The following PXN variants were observed in gnomAD, a reference collection of about 807,000 sequenced individuals.
PXN encodes the protein paxillin.
PXN carries 61 observed loss-of-function variants against 103.6 expected under a neutral mutation model. That is an observed-to-expected ratio of 0.59 (90% confidence interval 0.48 to 0.73). The LOEUF (loss-of-function observed/expected upper bound fraction) is 0.73, where lower values mean the gene tolerates loss of function less well. Ranked by LOEUF, PXN falls within the 30% of genes least tolerant of loss-of-function variation. PXN has a pLI of 0.00. For missense variants in PXN, 1,274 were observed against 1,460.3 expected, an observed-to-expected ratio of 0.87 and a Z score of 2.08; for synonymous variants, 562 against 607.8, an observed-to-expected ratio of 0.92 and a Z score of 1.11.
chr12:120,212,052 C>A lies in PXN; in HGVS notation c.*262G>T. ...GGACGTACATGGGCTGGGGTGGAGC[C>A]CCCAGCCTCTACCCCTGGGGAGGAT... is the stretch of plus-strand genomic sequence containing the variant. On this transcript the variant is annotated 3_prime_UTR_variant, in exon 15 of 15. Transcript: ENST00000637617. The surrounding 1 kb of genome is among the most constrained non-coding windows in gnomAD (Gnocchi z 7.2). The A allele has an allele frequency of 1.4e-6, 1 of 706,388 alleles. No individual in the cohort carries two copies. The highest frequency in any genetic ancestry group is 2.8e-5 in the East Asian group (1 of 35,770). 43.8% of individuals were successfully genotyped at this position (706,388 alleles called of 1,614,324 possible).
rs551754321 is a variant in PXN at position 120,227,619 on chromosome 12, C to T, written c.14-3242G>A. Reference sequence around the variant, plus strand: ...AGAAAAACCCCAGCAAGTCCATCCACCAGCCACAGGGTCTCTGGTATGGCT... The same window carrying T: ...AGAAAAACCCCAGCAAGTCCATCCATCAGCCACAGGGTCTCTGGTATGGCT... On this transcript the variant is annotated intron_variant, in intron 1 of 14. Coordinates refer to ENST00000637617, the MANE Select transcript of PXN (RefSeq NM_001385981.1). Among the ~76,000 whole-genome samples the T allele has an allele frequency of 6.6e-5, 10 of 152,320 alleles. No individual in the cohort carries two copies. In the East Asian group the frequency reaches 1.9e-3, roughly 29 times the overall value.
intron 1 of PXN, among the ~76,000 whole-genome samples, chr12:120,243,714 C>A (rs2136534067): frequency 6.6e-6 from 1 of 152,222 alleles, no homozygotes; most frequent in East Asian, 1.9e-4. Context: ...AAAACAGAGT[C>A]AGTTTAGGAT....
intron 1 of PXN, among the ~76,000 whole-genome samples, chr12:120,235,673 C>T (rs1434656571): frequency 6.6e-6 from 1 of 152,168 alleles, no homozygotes; most frequent in African/African-American, 2.4e-5. Context: ...TTTCTTTCTG[C>T]CTCCTCCTCA....
chr12:120,260,655 C>T (rs1223772199), intron 1 of PXN, among the ~76,000 whole-genome samples: 1 of 152,100 alleles, frequency 6.6e-6, no homozygotes, highest in Non-Finnish European at 1.5e-5. Context: ...ATATCAGATG[C>T]AGTATTATGA....
In PXN at chr12:120,214,719, G is replaced by T; in HGVS notation, c.2748+106C>A. On this transcript the variant is annotated intron_variant, in intron 12 of 14. Coordinates refer to ENST00000637617, the MANE Select transcript of PXN (RefSeq NM_001385981.1). The surrounding 1 kb of genome is among the most constrained non-coding windows in gnomAD (Gnocchi z 5.0). The stretch of plus-strand genomic sequence containing the variant: ...CTGTTCCCTAGCCCTGTGAGCCTCG[G>T]GCATGTGACCTCTCTGAGCCTCCCA... The T allele has an allele frequency of 7.0e-7, 1 of 1,430,006 alleles. No individual in the cohort carries two copies. Among genetic ancestry groups the T allele is most frequent in the Non-Finnish European group, 9.6e-7 (1 of 1,040,934 alleles). The allele number at this position is 1,430,006 out of a possible 1,614,324, so 88.6% of individuals were successfully genotyped here. A position where few individuals can be genotyped will look rare whatever the true frequency, so the allele number is the denominator to read the frequency against.
In PXN at chr12:120,212,213, TCA is replaced by T; in HGVS notation, c.*99_*100del. ...CCAGCGGAGGACAAGGGTTCCAGTTTCAGTCGGGTTTACCCCTTCACCCCCGG... is the reference window on the plus strand; with the variant it reads ...CCAGCGGAGGACAAGGGTTCCAGTTTGTCGGGTTTACCCCTTCACCCCCGG... On this transcript the variant is annotated 3_prime_UTR_variant, in exon 15 of 15. Transcript: ENST00000637617. This position sits in a 1 kb window ranked among gnomAD's most constrained non-coding sequence, Gnocchi z 7.2. 6.8e-7 allele frequency: 1 copy of T among 1,475,032 alleles called. No homozygotes were observed. Among genetic ancestry groups the T allele is most frequent in the Non-Finnish European group, 9.1e-7 (1 of 1,095,898 alleles). 91.4% of individuals were successfully genotyped at this position (1,475,032 alleles called of 1,614,324 possible). A position where few individuals can be genotyped will look rare whatever the true frequency, so the allele number is the denominator to read the frequency against.
Position 120,219,603 on chromosome 12 carries a change from A to C in PXN, c.1320T>G (p.Ala440=). 1 of 1,565,376 alleles carries C rather than the reference A, an allele frequency of 6.4e-7. No homozygotes were observed. Among genetic ancestry groups the C allele is most frequent in the Non-Finnish European group, 8.6e-7 (1 of 1,162,994 alleles). Residue 440 remains alanine (A), a synonymous_variant, in exon 7 of 15, where the codon GCT becomes GCG. Transcript: ENST00000637617. This position sits in a 1 kb window ranked among gnomAD's most constrained non-coding sequence, Gnocchi z 6.5. ...TTCTCTCAGGCCCGAATACCTCCGA[A>C]GCCCATGGCTGCTCCCATGTGGCAG... The part of the protein sequence containing the change: ...ALAATWEQPW[A]SEVFGPERMP...
chr12:120,239,343 G>A (rs2136488142), intron 1 of PXN, among the ~76,000 whole-genome samples: 1 of 152,296 alleles, frequency 6.6e-6, no homozygotes, highest in Admixed American at 6.5e-5. Flanking sequence ...CAGCACTTTG[G>A]GAGGCTGAGG....
rs898429158 is a variant in PXN, at chr12:120,217,768, G to GT, written c.1717-653dup. Among the ~76,000 whole-genome samples, 107 of 142,236 alleles carry GT rather than the reference G, an allele frequency of 7.5e-4. No homozygotes were observed. Among genetic ancestry groups the GT allele is most frequent in the East Asian group, 2.5e-3 (12 of 4,882 alleles). The allele number at this position is 142,236 out of a possible 152,430, so 93.3% of individuals were successfully genotyped here. On this transcript the variant is annotated intron_variant, in intron 7 of 14. Transcript: ENST00000637617. This position sits in a 1 kb window ranked among gnomAD's most constrained non-coding sequence, Gnocchi z 4.1. Reference sequence around the variant, plus strand: ...CTAATTTTTGTTGTTGTTGTTTTTTGTTTTTTTTTTTAGTAGAGATGGGGT... The same window carrying GT: ...CTAATTTTTGTTGTTGTTGTTTTTTGTTTTTTTTTTTTAGTAGAGATGGGGT...
intron 1 of PXN, among the ~76,000 whole-genome samples, chr12:120,239,468 G>C (rs1425844523): frequency 6.6e-6 from 1 of 152,238 alleles, no homozygotes; most frequent in Non-Finnish European, 1.5e-5. Flanking sequence ...TGTAGTCCCA[G>C]CTACTCGGGA....
intron 1 of PXN, among the ~76,000 whole-genome samples, chr12:120,263,976 T>C (rs185780742): frequency 1.3e-5 from 2 of 152,162 alleles, no homozygotes; most frequent in Admixed American, 1.3e-4. Context: ...TCTTAGATCC[T>C]GGTTCAAAGA....
At chr12:120,258,752 T>A (rs1222811721) in intron 1 of PXN, among the ~76,000 whole-genome samples, 1 of 152,182 alleles carries the variant, frequency 6.6e-6, no homozygotes, top group Non-Finnish European at 1.5e-5. Context: ...ATCCTTTTTT[T>A]CATTATATCA....
At position 120,220,029 on chromosome 12, in the gene PXN, G is replaced by A; in HGVS notation, c.894C>T (p.Tyr298=). 1 of 1,521,082 alleles carries A rather than the reference G, an allele frequency of 6.6e-7. No individual in the cohort carries two copies. The highest frequency in any genetic ancestry group is 1.2e-5 in the South Asian group (1 of 85,232). The allele number at this position is 1,521,082 out of a possible 1,614,324, so 94.2% of individuals were successfully genotyped here. ...GAGGAGGAGAAGGAGGAAGGGAGCA[G>A]TATGAGGACGGAGCAGAGCTGGACA... is the stretch of plus-strand genomic sequence containing the variant. ...PGLSSSAPSS[Y]CSLPPSPPPM... is the part of the protein sequence containing the mutation. Residue 298 remains tyrosine (Y), a synonymous_variant, in exon 7 of 15, where the codon TAC becomes TAT. Coordinates refer to ENST00000637617, the MANE Select transcript of PXN (RefSeq NM_001385981.1). The surrounding 1 kb of genome is among the most constrained non-coding windows in gnomAD (Gnocchi z 6.1).
At position 120,224,603 on chromosome 12, in the gene PXN, C is replaced by T. The variant is rs1886289269; in HGVS notation, c.14-226G>A. On this transcript the variant is annotated intron_variant, in intron 1 of 14. Coordinates refer to ENST00000637617, the MANE Select transcript of PXN (RefSeq NM_001385981.1). The surrounding 1 kb of genome is among the most constrained non-coding windows in gnomAD (Gnocchi z 5.0). ...CTGGCCACCCAGGACTGAAAGTGCT[C>T]TAGAGGCGGGCTCTGGGGCTGCCCT... The T allele has an allele frequency of 1.4e-6, 1 of 693,120 alleles. No individual in the cohort carries two copies. The highest frequency in any genetic ancestry group is 1.8e-5 in the African/African-American group (1 of 57,074). The allele number at this position is 693,120 out of a possible 1,614,324, so 42.9% of individuals were successfully genotyped here.
At chr12:120,249,830 T>C (rs913292477) in intron 1 of PXN, 2 of 981,456 alleles carry the variant, frequency 2.0e-6, no homozygotes, top group African/African-American at 3.5e-5. Flanking sequence ...CCATTTGAGG[T>C]GGTGAGGCAG....
intron 3 of PXN, 82 bp from the exon 4 acceptor site, chr12:120,223,081 G>A: frequency 2.5e-6 from 4 of 1,605,700 alleles, no homozygotes; most frequent in Non-Finnish European, 3.4e-6. Context: ...TTCCCAAGGA[G>A]AACAAGGCAG....
chr12:120,224,236 G>A lies in PXN; in HGVS notation c.155C>T (p.Pro52Leu). 1 of 1,612,660 alleles carries A rather than the reference G, an allele frequency of 6.2e-7. No individual in the cohort carries two copies. The highest frequency in any genetic ancestry group is 8.5e-7 in the Non-Finnish European group (1 of 1,178,834). The change falls in exon 2 of 15, where the codon CCC becomes CTC. Residue 52 changes from proline (P) to leucine (L), a missense_variant. Around this residue, in one of 2 missense-constraint regions of PXN, gnomAD observed 1,178 missense variants for 1,309.0 expected, o/e 0.90. Transcript: ENST00000637617. This position sits in a 1 kb window ranked among gnomAD's most constrained non-coding sequence, Gnocchi z 5.0. ...GCCATTGAGGGCCTCGCTGGACGGG[G>A]GTGGGGGGACGGGGGGTGGCACGGC... ...EIAVPPPVPP[P>L]PSSEALNGTI... is the part of the protein sequence containing the mutation.
At chr12:120,258,838 T>G (rs1460083944) in intron 1 of PXN, among the ~76,000 whole-genome samples, 1 of 152,008 alleles carries the variant, frequency 6.6e-6, no homozygotes, top group African/African-American at 2.4e-5. Context: ...GGTGGGTGGA[T>G]CACCTGAGGT....
chr12:120,229,051 C>T lies in PXN; in HGVS notation c.14-4674G>A, dbSNP rs1364106450. 1.3e-5 allele frequency among the ~76,000 whole-genome samples: 2 copies of T among 152,120 alleles called. No individual in the cohort carries two copies. The highest frequency in any genetic ancestry group is 6.5e-5 in the Admixed American group (1 of 15,280). ...CCCACTGCTCCGAGGAGGAGGGGAC[C>T]GGTTCGCCTGCATTCCAGGGCAAGT... On this transcript the variant is annotated intron_variant, in intron 1 of 14. Coordinates refer to ENST00000637617, the MANE Select transcript of PXN (RefSeq NM_001385981.1). The surrounding 1 kb of genome is among the most constrained non-coding windows in gnomAD (Gnocchi z 4.0).
Sources: gnomAD v4.1 joint callset for allele counts (sites outside exome capture counted in the v4.1 genomes callset) on GRCh38, gnomAD v4.1.1 for gene constraint, gnomAD v4.1.1 regional missense constraint, Gnocchi (gnomAD v3.1) non-coding constraint, MANE v1.5 for transcripts, NCBI Gene and HGNC (gene_info 2026-07-23, HGNC 2026-07-21) for gene names.